The following FAM98C variants were observed in gnomAD, a reference collection of about 807,000 sequenced individuals.
FAM98C encodes the protein tRNA splicing ligase complex subunit 3C.
A neutral mutation model predicts 41.1 loss-of-function variants in FAM98C; 38 were observed. The ratio of observed to expected loss-of-function variants is 0.92; its 90% CI spans 0.71 to 1.21. The LOEUF (loss-of-function observed/expected upper bound fraction) is 1.21. Among genes scored for constraint, FAM98C ranks in the 50% most tolerant of loss-of-function variants. The pLI, the probability that FAM98C is intolerant of heterozygous loss-of-function variation, is 0.00. For synonymous variants in FAM98C, 195 were observed against 216.7 expected (o/e 0.90, Z 0.88); for missense variants, 493 against 484.7 (o/e 1.02, Z -0.16).
chr19:38,409,067 T>A lies in FAM98C; in HGVS notation c.*185T>A. ...ACCAAGAACCATGTTCTCCAGAGAA[T>A]AAATTTAATTTATGACAGCTGTAGG... is the stretch of plus-strand genomic sequence containing the variant. On this transcript the variant is annotated 3_prime_UTR_variant, in exon 8 of 8. Coordinates refer to ENST00000252530, the MANE Select transcript of FAM98C (RefSeq NM_174905.4). The A allele has an allele frequency of 1.9e-6, 1 of 524,160 alleles. No homozygotes were observed. Among genetic ancestry groups the A allele is most frequent in the Non-Finnish European group, 3.1e-6 (1 of 324,684 alleles). The allele number at this position is 524,160 out of a possible 1,614,324, so 32.5% of individuals were successfully genotyped here.
chr19:38,408,864 G>A lies in FAM98C; in HGVS notation c.1032G>A (p.Lys344=), dbSNP rs1172869233. 12 of 1,061,692 alleles carry A rather than the reference G, an allele frequency of 1.1e-5. No individual in the cohort carries two copies. Among genetic ancestry groups the A allele is most frequent in the Non-Finnish European group, 1.5e-5 (12 of 798,024 alleles). The allele number at this position is 1,061,692 out of a possible 1,614,324, so 65.8% of individuals were successfully genotyped here. A position where few individuals can be genotyped will look rare whatever the true frequency, so the allele number is the denominator to read the frequency against. Residue 344 remains lysine (K), a synonymous_variant, in exon 8 of 8, where the codon AAG becomes AAA. Transcript: ENST00000252530. ...EDGGPQCWGR[K]KKKKK ...GAGGCCCCCAGTGTTGGGGTCGCAA[G>A]AAGAAGAAGAAGAAGTAAAGGGGGA...
chr19:38,406,579 C>A, intron 6 of FAM98C: 1 of 206,406 alleles, frequency 4.8e-6, no homozygotes, highest in Non-Finnish European at 1.0e-5. Flanking sequence ...AGTTTGAGAC[C>A]ACCTTGGGCA....
In FAM98C at chr19:38,403,358, C is replaced by T; in HGVS notation, c.86C>T (p.Ala29Val). Residue 29 changes from alanine to valine, a missense_variant, in exon 2 of 8, where the codon GCG becomes GTG. By Grantham distance (64) the Ala-to-Val change is moderately conservative (BLOSUM62 0). Transcript: ENST00000252530. ...LALGYGGVPG[A>V]ASRGASCPDF... ...CACAGGTATGGAGGTGTCCCGGGGGCGGCGTCGCGGGGCGCCTCATGCCCA... is the reference window on the plus strand; with the variant it reads ...CACAGGTATGGAGGTGTCCCGGGGGTGGCGTCGCGGGGCGCCTCATGCCCA... 1 of 1,469,720 alleles carries T rather than the reference C, an allele frequency of 6.8e-7. No individual in the cohort carries two copies. Among genetic ancestry groups the T allele is most frequent in the African/African-American group, 1.5e-5 (1 of 67,328 alleles). The allele number at this position is 1,469,720 out of a possible 1,614,324, so 91.0% of individuals were successfully genotyped here.
intron 7 of FAM98C, chr19:38,407,317 C>T (rs1971055061): frequency 1.2e-5 from 6 of 497,826 alleles, no homozygotes; most frequent in Admixed American, 9.8e-5. Flanking sequence ...GCTACTTCTC[C>T]AGCTTGGGCT....
chr19:38,408,868 A>G lies in FAM98C; in HGVS notation c.1036A>G (p.Lys346Glu), dbSNP rs751384843. ...GGPQCWGRKK[K>E]KKK ...CCCCCAGTGTTGGGGTCGCAAGAAG[A>G]AGAAGAAGAAGTAAAGGGGGACTGG... The change falls in exon 8 of 8, where the codon AAG (lysine) becomes GAG (glutamate). Residue 346 changes from lysine to glutamate, a missense_variant. Lys to Glu is a moderately conservative substitution (Grantham distance 56). Coordinates refer to ENST00000252530, the MANE Select transcript of FAM98C (RefSeq NM_174905.4). 6.3e-7 allele frequency: 1 copy of G among 1,579,388 alleles called. No individual in the cohort carries two copies. The highest frequency in any genetic ancestry group is 8.6e-7 in the Non-Finnish European group (1 of 1,168,098).
In FAM98C at chr19:38,406,972, G is replaced by A. The variant is rs749194507; in HGVS notation, c.813G>A (p.Ser271=). The change falls in exon 7 of 8, where the codon TCG becomes TCA. Residue 271 remains serine, a synonymous_variant. Coordinates refer to ENST00000252530, the MANE Select transcript of FAM98C (RefSeq NM_174905.4). ...IPIREVLTPE[S]DISIAHVLAA... is the part of the protein sequence containing the mutation. ...TTCGAGAGGTTCTGACCCCAGAATC[G>A]GACATCTCCATTGCACACGTTCTGG... The A allele has an allele frequency of 9.3e-6, 15 of 1,614,008 alleles. No individual in the cohort carries two copies. The highest frequency in any genetic ancestry group is 8.3e-5 in the Admixed American group (5 of 59,998).
At chr19:38,405,859 A>AT (rs1002148694) in intron 6 of FAM98C, 22,927 of 391,156 alleles carry the variant, frequency 0.059, 50 homozygotes, top group Middle Eastern at 0.068. Flanking sequence ...ATACCCCATC[A>AT]TTTTTTTTTT....
chr19:38,408,440 T>A (rs1048185199), intron 7 of FAM98C: 6 of 292,510 alleles, frequency 2.1e-5, no homozygotes, highest in Non-Finnish European at 3.9e-5. Context: ...GCACCTGTAG[T>A]CCCAGCTACT....
Position 38,403,171 on chromosome 19 carries a change from G to A in FAM98C, c.18G>A (p.Ala6=). 1 of 1,532,968 alleles carries A rather than the reference G, an allele frequency of 6.5e-7. No individual in the cohort carries two copies. The highest frequency in any genetic ancestry group is 1.2e-5 in the South Asian group (1 of 81,054). 95.0% of individuals were successfully genotyped at this position (1,532,968 alleles called of 1,614,324 possible). ...ACACTTTCATGGAGGCGGTGAAGGC[G>A]GAAGCGTGGGAGGGGGCCGCGGTGG... MEAVK[A]EAWEGAAVAQ... is the part of the protein sequence containing the mutation. The change falls in exon 1 of 8, where the codon GCG becomes GCA. Residue 6 remains alanine (A), a synonymous_variant. Coordinates refer to ENST00000252530, the MANE Select transcript of FAM98C (RefSeq NM_174905.4).
intron 7 of FAM98C, 43 bp from the exon 8 acceptor site, chr19:38,408,708 A>G (rs750742571): frequency 1.9e-6 from 3 of 1,613,944 alleles, no homozygotes; most frequent in Non-Finnish European, 2.5e-6. Flanking sequence ...CCCTTGTCCA[A>G]GATACTTTTT....
At chr19:38,405,859 ATT>A (rs1002148694) in intron 6 of FAM98C, 8,846 of 382,390 alleles carry the variant, frequency 0.023, no homozygotes, top group South Asian at 0.036. Context: ...ATACCCCATC[ATT>A]TTTTTTTTTT....
chr19:38,408,448 A>G (rs764606525), intron 7 of FAM98C: 9 of 296,604 alleles, frequency 3.0e-5, no homozygotes, highest in Non-Finnish European at 4.5e-5. Flanking sequence ...AGTCCCAGCT[A>G]CTTGGGAGGC....
chr19:38,405,022 A>G lies in FAM98C; in HGVS notation c.464A>G (p.Gln155Arg). Residue 155 changes from glutamine (Q) to arginine (R), a missense_variant, in exon 4 of 8, where the codon CAA becomes CGA. Transcript: ENST00000252530. ...EGVVEGAGMV[Q>R]ELDLTLQALG... is the part of the protein sequence containing the mutation. ...GTAGTGGAGGGAGCCGGCATGGTCC[A>G]AGAACTGGACCTTACCCTCCAAGCC... 1 of 1,614,148 alleles carries G rather than the reference A, an allele frequency of 6.2e-7. No homozygotes were observed. Among genetic ancestry groups the G allele is most frequent in the Non-Finnish European group, 8.5e-7 (1 of 1,180,008 alleles).
At position 38,403,665 on chromosome 19, in the gene FAM98C, G is replaced by C; in HGVS notation, c.320G>C (p.Arg107Pro). The C allele has an allele frequency of 7.1e-7, 1 of 1,414,320 alleles. No individual in the cohort carries two copies. Among genetic ancestry groups the C allele is most frequent in the Non-Finnish European group, 9.1e-7 (1 of 1,093,900 alleles). The allele number at this position is 1,414,320 out of a possible 1,614,324, so 87.6% of individuals were successfully genotyped here. The change falls in exon 3 of 8, where the codon CGG becomes CCG. Residue 107 changes from arginine (R) to proline (P), a missense_variant. Coordinates refer to ENST00000252530, the MANE Select transcript of FAM98C (RefSeq NM_174905.4). ...GGCGGGGATGGCGCGGCTGCGCTTC[G>C]GGAACCCGGTGCCGGACTGCGCCTG... Reference protein sequence around the residue: ...LCGGDGAAALREPGAGLRLLR... With the variant: ...LCGGDGAAALPEPGAGLRLLR...
chr19:38,408,897 T>C lies in FAM98C; in HGVS notation c.*15T>C. 6.5e-7 allele frequency: 1 copy of C among 1,528,470 alleles called. No homozygotes were observed. Among genetic ancestry groups the C allele is most frequent in the African/African-American group, 1.4e-5 (1 of 71,548 alleles). 94.7% of individuals were successfully genotyped at this position (1,528,470 alleles called of 1,614,324 possible). A position where few individuals can be genotyped will look rare whatever the true frequency, so the allele number is the denominator to read the frequency against. ...AGAAGAAGTAAAGGGGGACTGGTGG[T>C]CGGGGGCGGGGGGTCCTCCATGAGA... On this transcript the variant is annotated 3_prime_UTR_variant, in exon 8 of 8. Coordinates refer to ENST00000252530, the MANE Select transcript of FAM98C (RefSeq NM_174905.4).
chr19:38,404,119 T>A (rs1971005925), intron 3 of FAM98C, among the ~76,000 whole-genome samples: 1 of 152,168 alleles, frequency 6.6e-6, no homozygotes, highest in East Asian at 1.9e-4. Flanking sequence ...CTCGAACTCC[T>A]GACCCCAGGT....
Position 38,405,372 on chromosome 19 carries a change from C to T in FAM98C, c.584C>T (p.Pro195Leu). The T allele has an allele frequency of 6.2e-7, 1 of 1,614,106 alleles. No homozygotes were observed. Among genetic ancestry groups the T allele is most frequent in the Non-Finnish European group, 8.5e-7 (1 of 1,180,014 alleles). The change falls in exon 5 of 8, where the codon CCA becomes CTA. Residue 195 changes from proline (P) to leucine (L), a missense_variant. By Grantham distance (98) the Pro-to-Leu change is moderately conservative. Transcript: ENST00000252530. ...TCAGAGCTGCAGCCTTCTCTGCCCC[C>T]AGGGTCCCTGCAGCCCCTCCTCAGC... ...KISELQPSLP[P>L]GSLQPLLSCS...
chr19:38,404,411 G>A (rs7246213), intron 3 of FAM98C, among the ~76,000 whole-genome samples: 5,403 of 152,048 alleles, frequency 0.036, 128 homozygotes, highest in African/African-American at 0.056. Context: ...ATGTTGCCCT[G>A]TCTGGTCTTC....
intron 3 of FAM98C, among the ~76,000 whole-genome samples, chr19:38,404,143 C>T (rs7245668): frequency 0.034 from 5,211 of 152,256 alleles, 109 homozygotes; most frequent in African/African-American, 0.051. Context: ...CTGTCCACCT[C>T]GGCCTCCCAA....
Sources: gnomAD v4.1 joint callset for allele counts (sites outside exome capture counted in the v4.1 genomes callset) on GRCh38, gnomAD v4.1.1 for gene constraint, MANE v1.5 for transcripts, NCBI Gene and HGNC (gene_info 2026-07-23, HGNC 2026-07-21) for gene names.